The following SAMSN1 variants were observed in gnomAD, a reference collection of about 807,000 sequenced individuals.
SAMSN1 encodes the protein SAM domain, SH3 domain and nuclear localization signals 1.
SAMSN1 carries 31 observed loss-of-function variants against 42.0 expected under a neutral mutation model. The observed-to-expected ratio is 0.74, with a 90% CI of 0.55 to 1.00. The LOEUF (loss-of-function observed/expected upper bound fraction) is 1.00. Among genes scored for constraint, SAMSN1 ranks in the 50% least tolerant of loss-of-function variants. The pLI is 0.00. For missense variants in SAMSN1, 464 were observed against 439.4 expected, an observed-to-expected ratio of 1.06 and a Z score of -0.50; for synonymous variants, 178 against 151.9, an observed-to-expected ratio of 1.17 and a Z score of -1.26.
chr21:14,539,469 G>A (rs1397508014), intron 1 of SAMSN1, among the ~76,000 whole-genome samples: 2 of 152,020 alleles, frequency 1.3e-5, no homozygotes, highest in Non-Finnish European at 2.9e-5. Flanking sequence ...ATCAGTGTGC[G>A]AAAATCACAA....
At chr21:14,579,548 T>C (rs1981629448) in intron 2 of SAMSN1, among the ~76,000 whole-genome samples, 1 of 152,026 alleles carries the variant, frequency 6.6e-6, no homozygotes, top group African/African-American at 2.4e-5. Context: ...ACAAAGTCCA[T>C]TGGTTTCTAA....
chr21:14,486,022 A>G lies in SAMSN1; in HGVS notation c.1012T>C (p.Ser338Pro). 6.2e-7 allele frequency: 1 copy of G among 1,613,708 alleles called. No individual in the cohort carries two copies. The highest frequency in any genetic ancestry group is 8.5e-7 in the Non-Finnish European group (1 of 1,179,662). Residue 338 changes from serine (S) to proline (P), a missense_variant, in exon 8 of 8, where the codon TCT becomes CCT. Transcript: ENST00000400566. ...TTTCCTGATGAGATATAGCAACCAGAGTCCCTTGGGCAGTCATCTAACTGT... is the reference window on the plus strand; with the variant it reads ...TTTCCTGATGAGATATAGCAACCAGGGTCCCTTGGGCAGTCATCTAACTGT... ...KSQLDDCPRDSGCYISSGNSD... is the reference protein window; with the variant it reads ...KSQLDDCPRDPGCYISSGNSD...
At chr21:14,569,047 G>T (rs1448392961) in intron 2 of SAMSN1, among the ~76,000 whole-genome samples, 1 of 152,070 alleles carries the variant, frequency 6.6e-6, no homozygotes, top group African/African-American at 2.4e-5. Flanking sequence ...AATCTCAGCA[G>T]TTTGGGAGGC....
At chr21:14,531,311 T>C (rs1328531990) in intron 1 of SAMSN1, among the ~76,000 whole-genome samples, 1 of 152,126 alleles carries the variant, frequency 6.6e-6, no homozygotes, top group Admixed American at 6.5e-5. Flanking sequence ...ATCATATGTA[T>C]TTTGTATAGT....
upstream of SAMSN1, among the ~76,000 whole-genome samples, chr21:14,548,408 C>T (rs1383687493): frequency 6.6e-6 from 1 of 152,106 alleles, no homozygotes; most frequent in African/African-American, 2.4e-5. Flanking sequence ...TTCTATAATA[C>T]AGTGCTAAAG....
At chr21:14,594,026 G>T (rs556550298) in exon 7 of SAMSN1, 1 of 715,872 alleles carries the variant, frequency 1.4e-6, no homozygotes, top group Admixed American at 2.0e-5. Context: ...TTCATCAACA[G>T]TGGTCTCAAC....
chr21:14,656,285 A>G (rs456716), intron 1 of SAMSN1, among the ~76,000 whole-genome samples: 115,662 of 151,628 alleles, frequency 0.76, 44,710 homozygotes, highest in Middle Eastern at 0.89. Context: ...ATTCTTCTGA[A>G]TAAGACTCAC....
intron 2 of SAMSN1, chr21:14,619,666 C>T: frequency 3.1e-6 from 1 of 326,758 alleles, no homozygotes; most frequent in South Asian, 2.6e-5. Flanking sequence ...AAGTTCATGG[C>T]TGATATTCCT....
In SAMSN1 at chr21:14,601,583, T is replaced by A. The variant is rs751915056; in HGVS notation, c.399+440A>T. Among the ~76,000 whole-genome samples, 7 of 152,220 alleles carry A rather than the reference T, an allele frequency of 4.6e-5. No homozygotes were observed. The South Asian group carries it at 1.4e-3, about 32-fold the overall frequency. On this transcript the variant is annotated intron_variant, in intron 6 of 15. Coordinates refer to the SAMSN1 transcript ENST00000647101. ...TGAATAGCAAGTATTTGGCCATTGATTAATGTTACATTACTATTATTAGTG... is the reference window on the plus strand; with the variant it reads ...TGAATAGCAAGTATTTGGCCATTGAATAATGTTACATTACTATTATTAGTG...
intron 2 of SAMSN1, among the ~76,000 whole-genome samples, chr21:14,639,235 G>A (rs1983538049): frequency 6.6e-6 from 1 of 152,156 alleles, no homozygotes; most frequent in Non-Finnish European, 1.5e-5. Context: ...TCTGTTTTGT[G>A]TTGCTGTAAC....
chr21:14,616,623 C>T (rs1982843868), intron 2 of SAMSN1, among the ~76,000 whole-genome samples: 1 of 152,144 alleles, frequency 6.6e-6, no homozygotes, highest in Non-Finnish European at 1.5e-5. Context: ...GCTTAAACTG[C>T]CCTAGACACC....
At chr21:14,645,820 T>C (rs570803650) in intron 1 of SAMSN1, among the ~76,000 whole-genome samples, 1 of 152,254 alleles carries the variant, frequency 6.6e-6, no homozygotes, top group South Asian at 2.1e-4. Flanking sequence ...ACTGAAATGA[T>C]TAAAAAGAAT....
chr21:14,602,837 T>G (rs1196117967), intron 5 of SAMSN1, among the ~76,000 whole-genome samples: 1 of 152,186 alleles, frequency 6.6e-6, no homozygotes, highest in Admixed American at 6.5e-5. Context: ...TTCAGTTTTC[T>G]ACTATTCCTC....
intron 2 of SAMSN1, among the ~76,000 whole-genome samples, chr21:14,577,637 C>T (rs138133456): frequency 5.9e-5 from 9 of 152,064 alleles, no homozygotes; most frequent in Admixed American, 1.3e-4. Context: ...TACAGAGCTT[C>T]GTAAGTACTC....
At chr21:14,509,119 G>GA (rs962219954) in intron 5 of SAMSN1, among the ~76,000 whole-genome samples, 9 of 133,384 alleles carry the variant, frequency 6.7e-5, no homozygotes, top group East Asian at 2.1e-4. Flanking sequence ...CATCAAAAAA[G>GA]AAAAAAACAA....
intron 1 of SAMSN1, chr21:14,583,238 T>C (rs1039713511): frequency 6.4e-6 from 1 of 155,668 alleles, no homozygotes; most frequent in African/African-American, 2.4e-5. Flanking sequence ...GTTTAATGGG[T>C]ATTTTTAAAA....
chr21:14,591,608 A>G (rs1982087690), intron 7 of SAMSN1: 3 of 152,204 alleles, frequency 2.0e-5, no homozygotes, highest in African/African-American at 7.2e-5. Context: ...AGAACTACAA[A>G]TAAAATTCAA....
intron 1 of SAMSN1, among the ~76,000 whole-genome samples, chr21:14,539,993 T>C (rs1213952122): frequency 1.3e-5 from 2 of 152,062 alleles, no homozygotes; most frequent in African/African-American, 4.8e-5. Context: ...ATGCCACATA[T>C]CTACAACTAT....
Position 14,485,299 on chromosome 21 carries a change from GAC to G in SAMSN1, c.*611_*612del, listed in dbSNP as rs1986384620. ...AAATTTTAAAATATTTACACTTAAA[GAC>G]AAAACATTTCCACAATTATTACAAT... On this transcript the variant is annotated 3_prime_UTR_variant, in exon 8 of 8. Transcript: ENST00000400566. 1 of 152,116 alleles carries G rather than the reference GAC, an allele frequency of 6.6e-6. No individual in the cohort carries two copies. The highest frequency in any genetic ancestry group is 2.4e-5 in the African/African-American group (1 of 41,406). 9.4% of individuals were successfully genotyped at this position (152,116 alleles called of 1,614,324 possible). A position where few individuals can be genotyped will look rare whatever the true frequency, so the allele number is the denominator to read the frequency against.
Sources: allele counts gnomAD v4.1 joint callset (sites outside exome capture counted in the v4.1 genomes callset), GRCh38; gene constraint gnomAD v4.1.1; transcripts MANE v1.5; gene names NCBI Gene and HGNC (gene_info 2026-07-23, HGNC 2026-07-21).